TENM3: variants seen among roughly 807,000 people sequenced by gnomAD.
The protein encoded by TENM3 is teneurin-3.
TENM3 carries 63 observed loss-of-function variants against 255.1 expected under a neutral mutation model. The observed-to-expected ratio is 0.25, with a 90% CI of 0.20 to 0.30. The LOEUF (loss-of-function observed/expected upper bound fraction) is 0.30. Ranked by LOEUF, TENM3 falls within the 10% of genes least tolerant of loss-of-function variation. The pLI, the probability that TENM3 is intolerant of heterozygous loss-of-function variation, is 1.00. For missense variants in TENM3, 2,929 were observed against 3,461.1 expected (o/e 0.85, Z 3.86); for synonymous variants, 1,306 against 1,322.3 (o/e 0.99, Z 0.27).
chr4:181,904,403 T>C, the TENM3 span, among the ~76,000 whole-genome samples: 1 of 152,200 alleles, frequency 6.6e-6, no homozygotes, highest in African/African-American at 2.4e-5. Context: ...CCAATCACTC[T>C]GATTTGATCA....
the TENM3 span, among the ~76,000 whole-genome samples, chr4:181,683,721 G>T: frequency 6.6e-6 from 1 of 152,158 alleles, no homozygotes; most frequent in South Asian, 2.1e-4. Context: ...ATCCCAAACC[G>T]TGGCTGCAGG....
At chr4:182,313,103 TA>T (rs1239792531) in intron 1 of TENM3, among the ~76,000 whole-genome samples, 2 of 152,124 alleles carry the variant, frequency 1.3e-5, no homozygotes, top group Non-Finnish European at 2.9e-5. Context: ...TTATTATCTT[TA>T]TTTTTTTCTT....
intron 3 of TENM3, among the ~76,000 whole-genome samples, chr4:182,544,600 C>T (rs949717235): frequency 3.3e-5 from 5 of 151,900 alleles, no homozygotes; most frequent in Non-Finnish European, 5.9e-5. Context: ...CCGCGCCCGG[C>T]CTGCATTGTG....
chr4:182,229,332 C>T (rs1756398687), intron 1 of TENM3, among the ~76,000 whole-genome samples: 1 of 152,096 alleles, frequency 6.6e-6, no homozygotes, highest in African/African-American at 2.4e-5. Flanking sequence ...ATGTTAATAG[C>T]TTTTGAAGAA....
chr4:181,888,520 A>ATATATATATATGTG, the TENM3 span, among the ~76,000 whole-genome samples: 1 of 92,210 alleles, frequency 1.1e-5, no homozygotes, highest in African/African-American at 5.4e-5. Flanking sequence ...ATATATGTAT[A>ATATATATATATGTG]TATATACATA....
the TENM3 span, among the ~76,000 whole-genome samples, chr4:181,822,982 TA>T: frequency 4.6e-5 from 7 of 151,966 alleles, no homozygotes; most frequent in Admixed American, 6.6e-5. Flanking sequence ...GAATACGATC[TA>T]AAAAAAAGGC....
At chr4:182,032,925 T>C in the TENM3 span, among the ~76,000 whole-genome samples, 1 of 152,082 alleles carries the variant, frequency 6.6e-6, no homozygotes, top group Non-Finnish European at 1.5e-5. Context: ...TGTTTGAGTC[T>C]TCACTCTTTT....
the TENM3 span, among the ~76,000 whole-genome samples, chr4:181,545,162 T>C: frequency 6.6e-6 from 1 of 152,234 alleles, no homozygotes; most frequent in African/African-American, 2.4e-5. Context: ...AGCAAGTTAT[T>C]AGGTTTGAGT....
Position 182,560,084 on chromosome 4 carries a change from T to G in TENM3, c.512-40840T>G, listed in dbSNP as rs76566971. On this transcript the variant is annotated intron_variant, in intron 3 of 27. Coordinates refer to ENST00000511685, the MANE Select transcript of TENM3 (RefSeq NM_001080477.4). ...AAAATTAAAAATTAAAAAAAGGTTT[T>G]TTTTTTTTTTTAAAAAAAGAGTAAC... 6.8e-3 allele frequency among the ~76,000 whole-genome samples: 1,036 copies of G among 151,746 alleles called. 37 individuals carry two copies. In the East Asian group the frequency reaches 0.083, roughly 12 times the overall value.
chr4:181,654,878 G>A, the TENM3 span, among the ~76,000 whole-genome samples: 1 of 152,046 alleles, frequency 6.6e-6, no homozygotes, highest in South Asian at 2.1e-4. Flanking sequence ...ATTGTTAACA[G>A]GCCCCTTCCA....
the TENM3 span, among the ~76,000 whole-genome samples, chr4:181,546,862 TG>T: frequency 6.2e-4 from 94 of 152,212 alleles, no homozygotes; most frequent in Non-Finnish European, 1.0e-3. Context: ...TTTTTGTTTT[TG>T]TTTGTTGTGT....
chr4:181,707,259 G>A, the TENM3 span, among the ~76,000 whole-genome samples: 1 of 152,146 alleles, frequency 6.6e-6, no homozygotes, highest in African/African-American at 2.4e-5. Flanking sequence ...GGAAATGGAA[G>A]GCTGCTTTGT....
intron 3 of TENM3, among the ~76,000 whole-genome samples, chr4:182,389,594 C>G (rs1201260658): frequency 1.3e-5 from 2 of 152,052 alleles, no homozygotes; most frequent in Admixed American, 6.6e-5. Flanking sequence ...ATTTGTTTAA[C>G]TATGCACCAT....
At chr4:181,864,129 G>A in the TENM3 span, among the ~76,000 whole-genome samples, 37 of 152,218 alleles carry the variant, frequency 2.4e-4, no homozygotes, top group African/African-American at 7.9e-4. Flanking sequence ...TAACACACTA[G>A]TATTAGTTGA....
At chr4:182,100,352 A>G in the TENM3 span, among the ~76,000 whole-genome samples, 1 of 151,556 alleles carries the variant, frequency 6.6e-6, no homozygotes, top group Non-Finnish European at 1.5e-5. Context: ...CTGTAATCCC[A>G]GCACTTTGTG....
the TENM3 span, among the ~76,000 whole-genome samples, chr4:181,605,108 A>C: frequency 1.3e-5 from 2 of 152,116 alleles, no homozygotes; most frequent in Non-Finnish European, 2.9e-5. Flanking sequence ...TAACCCTATT[A>C]GCTCATGGGG....
chr4:182,645,982 T>C (rs1752711917), intron 5 of TENM3, among the ~76,000 whole-genome samples: 1 of 152,154 alleles, frequency 6.6e-6, no homozygotes, highest in African/African-American at 2.4e-5. Context: ...TGGCTTAACA[T>C]GATGGTTTAT....
chr4:182,196,216 TC>T (rs952169957), intron 1 of TENM3, among the ~76,000 whole-genome samples: 2 of 152,080 alleles, frequency 1.3e-5, no homozygotes, highest in African/African-American at 4.8e-5. Context: ...GCCTACCATT[TC>T]CCCGGAGTCT....
chr4:182,650,887 A>ATATATATATAT (rs1753197371), intron 5 of TENM3, among the ~76,000 whole-genome samples: 4 of 22,848 alleles, frequency 1.8e-4, no homozygotes, highest in East Asian at 2.5e-3. Flanking sequence ...GTAATAAAAA[A>ATATATATATAT]AAATATATAT....
Sources: gnomAD v4.1 joint callset for allele counts (sites outside exome capture counted in the v4.1 genomes callset) on GRCh38, gnomAD v4.1.1 for gene constraint, MANE v1.5 for transcripts, NCBI Gene and HGNC (gene_info 2026-07-23, HGNC 2026-07-21) for gene names.